Variants in SUMF1 observed in about 807,000 individuals in gnomAD.
The protein encoded by SUMF1 is formylglycine-generating enzyme.
SUMF1 carries 48 observed loss-of-function variants against 47.6 expected under a neutral mutation model. That is an observed-to-expected ratio of 1.01 (90% confidence interval 0.80 to 1.28). The LOEUF (loss-of-function observed/expected upper bound fraction) is 1.28. Among genes scored for constraint, SUMF1 ranks in the 50% most tolerant of loss-of-function variants. SUMF1 has a pLI of 0.00. For synonymous variants in SUMF1, 230 were observed against 192.1 expected, an observed-to-expected ratio of 1.20 and a Z score of -1.63; for missense variants, 571 against 485.4, an observed-to-expected ratio of 1.18 and a Z score of -1.66.
rs541987618 is a variant in SUMF1, at chr3:4,087,433, G to C, written c.1015-18688C>G. On this transcript the variant is annotated intron_variant and NMD_transcript_variant, in intron 8 of 12. Transcript: ENST00000448413. ...ACTGCACAGGTATGTAACTTGCTGA[G>C]GGTCACCTAAAGCTCAGTAAAAGGC... Among the ~76,000 whole-genome samples, 126 of 152,222 alleles carry C rather than the reference G, an allele frequency of 8.3e-4. 3 individuals carry two copies. Among genetic ancestry groups the C allele is most frequent in the African/African-American group, 2.8e-3 (115 of 41,508 alleles).
At chr3:4,091,853 A>G (rs1692793769) in intron 8 of SUMF1, among the ~76,000 whole-genome samples, 1 of 151,348 alleles carries the variant, frequency 6.6e-6, no homozygotes, top group African/African-American at 2.4e-5. Flanking sequence ...GGATGCTCCC[A>G]TTTCAATTCA....
chr3:4,174,983 G>T (rs111774465), intron 8 of SUMF1, among the ~76,000 whole-genome samples: 2 of 152,174 alleles, frequency 1.3e-5, no homozygotes, highest in African/African-American at 4.8e-5. Context: ...GCTGGGGGAG[G>T]GGCGTCTGCC....
chr3:4,346,836 A>T (rs1162501274), intron 8 of SUMF1, among the ~76,000 whole-genome samples: 3 of 152,214 alleles, frequency 2.0e-5, no homozygotes, highest in African/African-American at 7.2e-5. Context: ...GCAATAAAAA[A>T]ATGATAAAGG....
At position 4,287,890 on chromosome 3, in the gene SUMF1, G is replaced by C. The variant is rs566518447; in HGVS notation, c.1014+88440C>G. Reference sequence around the variant, plus strand: ...GTAAATTAGTAAATCTTCCAATATAGGGAAATAGAATATTTTGTAAGCTTT... The same window carrying C: ...GTAAATTAGTAAATCTTCCAATATACGGAAATAGAATATTTTGTAAGCTTT... On this transcript the variant is annotated intron_variant and NMD_transcript_variant, in intron 8 of 12. Coordinates refer to the SUMF1 transcript ENST00000448413. Among the ~76,000 whole-genome samples the C allele has an allele frequency of 9.4e-4, 143 of 152,242 alleles. 1 individual carries two copies. The highest frequency in any genetic ancestry group is 5.5e-3 in the Admixed American group (84 of 15,274).
intron 8 of SUMF1, among the ~76,000 whole-genome samples, chr3:4,182,689 T>C (rs1687961892): frequency 6.6e-6 from 1 of 152,118 alleles, no homozygotes; most frequent in South Asian, 2.1e-4. Context: ...ATTTCAGGCA[T>C]GATGGCAGGA....
chr3:4,102,056 C>T (rs1351112018), intron 8 of SUMF1, among the ~76,000 whole-genome samples: 1 of 152,116 alleles, frequency 6.6e-6, no homozygotes. Context: ...AGAACAGCAC[C>T]ATGGGGGTAA....
At chr3:4,076,255 A>C (rs1692430027) in intron 8 of SUMF1, among the ~76,000 whole-genome samples, 1 of 152,194 alleles carries the variant, frequency 6.6e-6, no homozygotes, top group East Asian at 1.9e-4. Context: ...TTCCCTATTT[A>C]ATAAATGGTG....
intron 8 of SUMF1, among the ~76,000 whole-genome samples, chr3:4,319,780 T>A (rs1230631811): frequency 6.6e-6 from 1 of 152,136 alleles, no homozygotes; most frequent in Non-Finnish European, 1.5e-5. Context: ...AGTGAATGGA[T>A]AAACAAACTG....
At chr3:4,356,700 G>T (rs1699626988), downstream of SUMF1, among the ~76,000 whole-genome samples, 1 of 151,990 alleles carries the variant, frequency 6.6e-6, no homozygotes, top group Admixed American at 6.5e-5. Context: ...CACAGTGTTT[G>T]CTTTTTAAAA....
chr3:4,108,793 C>A lies in SUMF1; in HGVS notation c.1015-40048G>T, dbSNP rs575920964. 4.6e-5 allele frequency among the ~76,000 whole-genome samples: 7 copies of A among 152,210 alleles called. No homozygotes were observed. The South Asian group carries it at 1.5e-3, about 32-fold the overall frequency. On this transcript the variant is annotated intron_variant and NMD_transcript_variant, in intron 8 of 12. Coordinates refer to the SUMF1 transcript ENST00000448413. ...ATTTGCTTGGTAGATCTTCCTCCAT[C>A]CCTTTATTTTGAGCCTATGTGTGTC...
intron 8 of SUMF1, among the ~76,000 whole-genome samples, chr3:4,166,000 G>C (rs1376378029): frequency 6.6e-6 from 1 of 151,954 alleles, no homozygotes; most frequent in Non-Finnish European, 1.5e-5. Context: ...GATCAGAATA[G>C]TTGAGCTCAC....
At chr3:4,357,860 G>A (rs192326181), downstream of SUMF1, among the ~76,000 whole-genome samples, 21 of 151,914 alleles carry the variant, frequency 1.4e-4, no homozygotes, top group South Asian at 2.1e-4. Context: ...CACCCGCCTC[G>A]GCCTCCCAAA....
intron 8 of SUMF1, among the ~76,000 whole-genome samples, chr3:4,081,970 T>G (rs1394245849): frequency 6.6e-6 from 1 of 152,098 alleles, no homozygotes; most frequent in African/African-American, 2.4e-5. Flanking sequence ...TAACTTTAAG[T>G]GTAAGGGTAT....
At chr3:4,251,925 A>G (rs1011975178) in intron 8 of SUMF1, among the ~76,000 whole-genome samples, 1 of 152,232 alleles carries the variant, frequency 6.6e-6, no homozygotes, top group African/African-American at 2.4e-5. Context: ...TTCACACTTA[A>G]CAGACCTACA....
intron 3 of SUMF1, among the ~76,000 whole-genome samples, chr3:4,442,213 G>A (rs1168704743): frequency 6.6e-6 from 1 of 151,920 alleles, no homozygotes; most frequent in Non-Finnish European, 1.5e-5. Context: ...GGGGCCCATG[G>A]TAAGAACGTG....
At chr3:4,128,035 A>G (rs1693695881) in intron 8 of SUMF1, among the ~76,000 whole-genome samples, 1 of 152,144 alleles carries the variant, frequency 6.6e-6, no homozygotes. Context: ...ATAATGAAGC[A>G]GGTTAGTTGC....
At chr3:4,365,948 A>T (rs1221816414) in intron 8 of SUMF1, among the ~76,000 whole-genome samples, 1 of 151,986 alleles carries the variant, frequency 6.6e-6, no homozygotes, top group Non-Finnish European at 1.5e-5. Flanking sequence ...CTTGTCTGTA[A>T]AGTATCTTAT....
chr3:4,052,140 T>G (rs1695123551), intron 9 of SUMF1, among the ~76,000 whole-genome samples: 1 of 152,106 alleles, frequency 6.6e-6, no homozygotes, highest in African/African-American at 2.4e-5. Context: ...ATCTGGTATC[T>G]GGTAAGAGCC....
At chr3:4,127,656 G>C (rs142946220) in intron 8 of SUMF1, among the ~76,000 whole-genome samples, 1,859 of 152,172 alleles carry the variant, frequency 0.012, 47 homozygotes, top group African/African-American at 0.043. Flanking sequence ...GATTGTGTGA[G>C]TTAATACTTA....
Sources: gnomAD v4.1 joint callset for allele counts (sites outside exome capture counted in the v4.1 genomes callset) on GRCh38, gnomAD v4.1.1 for gene constraint, MANE v1.5 for transcripts, NCBI Gene and HGNC (gene_info 2026-07-23, HGNC 2026-07-21) for gene names.